Variants in NRDE2 observed in about 807,000 individuals in gnomAD.
NRDE2 encodes nuclear exosome regulator NRDE2.
In NRDE2, 76 loss-of-function variants were observed where a neutral mutation model predicts 124.2. That is an observed-to-expected ratio of 0.61 (90% CI 0.51 to 0.74). NRDE2 has a LOEUF of 0.74. NRDE2 is among the 30% of genes least tolerant of loss of function. The pLI, the probability that NRDE2 is intolerant of heterozygous loss-of-function variation, is 0.00. For synonymous variants in NRDE2, 489 were observed against 528.1 expected (o/e 0.93, Z 1.01); for missense variants, 1,314 against 1,417.3 (o/e 0.93, Z 1.17).
intron 7 of NRDE2, among the ~76,000 whole-genome samples, chr14:90,300,415 G>C (rs544567057): frequency 2.6e-4 from 39 of 152,158 alleles, no homozygotes; most frequent in African/African-American, 9.4e-4. Flanking sequence ...CGGAGGCCTT[G>C]GCCTCTCAAG....
chr14:90,308,284 T>C (rs968461186), intron 4 of NRDE2, among the ~76,000 whole-genome samples: 20 of 152,226 alleles, frequency 1.3e-4, no homozygotes, highest in Non-Finnish European at 1.2e-4. Flanking sequence ...TTGACTCTAA[T>C]TTTCAAGTTA....
At chr14:90,293,023 G>A (rs1892315930) in intron 8 of NRDE2, 151 bp from the exon 9 acceptor site, 8 of 686,218 alleles carry the variant, frequency 1.2e-5, no homozygotes, top group Non-Finnish European at 2.0e-5. Flanking sequence ...TGGCATTTAG[G>A]AACTCTTTGT....
rs1884805040 is a variant in NRDE2 at position 90,310,757 on chromosome 14, T to C, written c.557+1637A>G. Among the ~76,000 whole-genome samples, 2 of 152,102 alleles carry C rather than the reference T, an allele frequency of 1.3e-5. 1 individual carries two copies. The highest frequency in any genetic ancestry group is 4.1e-4 in the South Asian group (2 of 4,826). On this transcript the variant is annotated intron_variant, in intron 4 of 13. Transcript: ENST00000354366. ...CTGGTCTTGAACTCCTGACCTCAAG[T>C]GATCCCAAAGTGCTGGGATGACAGG...
intron 7 of NRDE2, among the ~76,000 whole-genome samples, chr14:90,298,694 G>A (rs887910911): frequency 3.9e-5 from 6 of 152,140 alleles, no homozygotes; most frequent in Non-Finnish European, 7.3e-5. Flanking sequence ...CCGGGATTAG[G>A]TTACAAAAAG....
At position 90,323,772 on chromosome 14, in the gene NRDE2, A is replaced by G. The variant is rs1003744547; in HGVS notation, c.65-5659T>C. On this transcript the variant is annotated intron_variant, in intron 1 of 13. Coordinates refer to ENST00000354366, the MANE Select transcript of NRDE2 (RefSeq NM_017970.4). The stretch of plus-strand genomic sequence containing the variant: ...TAAAGGACCAAAACCCAATGTTCTA[A>G]TATCGTAGCATGGCTTATAACACAA... 1.1e-4 allele frequency among the ~76,000 whole-genome samples: 17 copies of G among 152,212 alleles called. 1 individual carries two copies. The highest frequency in any genetic ancestry group is 3.1e-4 in the African/African-American group (13 of 41,444).
At position 90,276,654 on chromosome 14, in the gene NRDE2, C is replaced by T. The variant is rs921343971; in HGVS notation, c.*1682G>A. The T allele has an allele frequency of 2.0e-5, 3 of 152,110 alleles. No individual in the cohort carries two copies. The highest frequency in any genetic ancestry group is 7.2e-5 in the African/African-American group (3 of 41,426). The allele number at this position is 152,110 out of a possible 1,614,324, so 9.4% of individuals were successfully genotyped here. A position where few individuals can be genotyped will look rare whatever the true frequency, so the allele number is the denominator to read the frequency against. ...TGTGCTCGCAATCTGTTCGAGCAGC[C>T]GCTTTATCCTCTCGGGGGCTCACTG... On this transcript the variant is annotated 3_prime_UTR_variant, in exon 14 of 14. Coordinates refer to ENST00000354366, the MANE Select transcript of NRDE2 (RefSeq NM_017970.4).
chr14:90,270,145 G>C lies in NRDE2; in HGVS notation c.*8191C>G. The stretch of plus-strand genomic sequence containing the variant: ...GATGGGCTGAGGCCTCTGAGCCATG[G>C]CCGAGCCTGGGTTTGGATGTTGGTG... On this transcript the variant is annotated 3_prime_UTR_variant, in exon 14 of 14. Transcript: ENST00000354366. 1 of 1,592,378 alleles carries C rather than the reference G, an allele frequency of 6.3e-7. No homozygotes were observed. Among genetic ancestry groups the C allele is most frequent in the Admixed American group, 1.7e-5 (1 of 59,128 alleles).
At position 90,269,342 on chromosome 14, in the gene NRDE2, C is replaced by G; in HGVS notation, c.*8994G>C. 1 of 1,497,254 alleles carries G rather than the reference C, an allele frequency of 6.7e-7. No homozygotes were observed. Among genetic ancestry groups the G allele is most frequent in the East Asian group, 2.3e-5 (1 of 43,782 alleles). The allele number at this position is 1,497,254 out of a possible 1,614,324, so 92.7% of individuals were successfully genotyped here. On this transcript the variant is annotated 3_prime_UTR_variant, in exon 14 of 14. Transcript: ENST00000354366. ...ACAATGAGGTCTTTGCTGTAATTCC[C>G]CTTGAGCAGGCGATCAGTTGAGTCT...
intron 9 of NRDE2, 26 bp from the exon 10 acceptor site, chr14:90,290,633 C>A (rs1892249997): frequency 1.3e-6 from 2 of 1,572,770 alleles, no homozygotes; most frequent in Non-Finnish European, 8.6e-7. Flanking sequence ...AATAAAGCGA[C>A]CCATGTAACA....
At chr14:90,278,492 C>T in intron 13 of NRDE2, 31 bp from the exon 14 acceptor site, 1 of 1,610,036 alleles carries the variant, frequency 6.2e-7, no homozygotes, top group Non-Finnish European at 8.5e-7. Context: ...CCGCCCCACT[C>T]AGCCGCCACT....
In NRDE2 at chr14:90,270,605, G is replaced by A. The variant is rs1285491642; in HGVS notation, c.*7731C>T. ...GCTGAGTCGCTGGTACTAAGCCTTA[G>A]GCCCAGGTGACTTTCTCAAGGTGTG... On this transcript the variant is annotated 3_prime_UTR_variant, in exon 14 of 14. Coordinates refer to ENST00000354366, the MANE Select transcript of NRDE2 (RefSeq NM_017970.4). 1.1e-5 allele frequency: 4 copies of A among 354,114 alleles called. No individual in the cohort carries two copies. Among genetic ancestry groups the A allele is most frequent in the Non-Finnish European group, 2.0e-5 (4 of 197,862 alleles). The allele number at this position is 354,114 out of a possible 1,614,324, so 21.9% of individuals were successfully genotyped here. A position where few individuals can be genotyped will look rare whatever the true frequency, so the allele number is the denominator to read the frequency against.
rs1286967753 is a variant in NRDE2 at position 90,301,364 on chromosome 14, G to GA, written c.1419dup (p.Leu474SerfsTer14). The GA allele has an allele frequency of 4.3e-6, 7 of 1,613,778 alleles. No individual in the cohort carries two copies. In the Admixed American group the frequency reaches 1.2e-4, roughly 27 times the overall value. On this transcript the variant is annotated frameshift_variant, in exon 7 of 14. Coordinates refer to ENST00000354366, the MANE Select transcript of NRDE2 (RefSeq NM_017970.4). LOFTEE classifies it high-confidence loss of function. ...TGCCGCAGAAAGTGGCACTGCTGAA[G>GA]AAAGAGTGCTGCGAACAGGAGGGCA... is the stretch of plus-strand genomic sequence containing the variant.
At position 90,327,286 on chromosome 14, in the gene NRDE2, A is replaced by C. The variant is rs375448995; in HGVS notation, c.64+4555T>G. On this transcript the variant is annotated intron_variant, in intron 1 of 13. Transcript: ENST00000354366. ...TGGGTCAGGCCCGGCATGATGGCTC[A>C]TGCCTGTAATCCCAGCACTCTGGGA... is the stretch of plus-strand genomic sequence containing the variant. Among the ~76,000 whole-genome samples the C allele has an allele frequency of 1.6e-3, 237 of 152,372 alleles. 1 individual carries two copies. The Middle Eastern group carries it at 0.037, about 24-fold the overall frequency.
At chr14:90,297,844 C>T (rs147696021) in intron 8 of NRDE2, among the ~76,000 whole-genome samples, 6 of 150,856 alleles carry the variant, frequency 4.0e-5, no homozygotes, top group East Asian at 2.0e-4. Context: ...AGGAGCCTGA[C>T]GCATGAGAAT....
chr14:90,328,608 T>TA (rs1439907491), intron 1 of NRDE2, among the ~76,000 whole-genome samples: 10 of 152,184 alleles, frequency 6.6e-5, no homozygotes, highest in Non-Finnish European at 1.0e-4. Context: ...CAGAGAACGT[T>TA]AGACAGGGCA....
chr14:90,278,697 C>G, intron 13 of NRDE2: 1 of 552,490 alleles, frequency 1.8e-6, no homozygotes, highest in Non-Finnish European at 3.2e-6. Context: ...TAAAAGGGGT[C>G]CAGGAATTGC....
intron 1 of NRDE2, among the ~76,000 whole-genome samples, chr14:90,328,793 A>C (rs954392566): frequency 2.0e-5 from 3 of 152,256 alleles, no homozygotes. Flanking sequence ...AAACATTTAC[A>C]GGACAAATGA....
At chr14:90,308,161 C>T (rs1368411548) in intron 4 of NRDE2, among the ~76,000 whole-genome samples, 1 of 152,194 alleles carries the variant, frequency 6.6e-6, no homozygotes, top group Non-Finnish European at 1.5e-5. Context: ...ACTATTTTAT[C>T]TGGTGTATAG....
At chr14:90,307,964 T>C (rs546283115) in intron 4 of NRDE2, among the ~76,000 whole-genome samples, 1 of 152,308 alleles carries the variant, frequency 6.6e-6, no homozygotes, top group Non-Finnish European at 1.5e-5. Context: ...CTCAGCCTTG[T>C]CTTGAACCCC....
Sources: allele counts gnomAD v4.1 joint callset (sites outside exome capture counted in the v4.1 genomes callset), GRCh38; gene constraint gnomAD v4.1.1; transcripts MANE v1.5; gene names NCBI Gene and HGNC (gene_info 2026-07-23, HGNC 2026-07-21).